Variants in NFAM1 observed in about 807,000 individuals in gnomAD.
NFAM1 encodes the protein NFAT activation molecule 1.
Under a neutral mutation model 29.0 loss-of-function variants are expected in NFAM1, and 17 were observed. The observed-to-expected ratio is 0.59, with a 90% CI of 0.40 to 0.88. The LOEUF is 0.88. Among genes scored for constraint, NFAM1 ranks in the 40% least tolerant of loss-of-function variants. The pLI, the probability that NFAM1 is intolerant of heterozygous loss-of-function variation, is 0.00. For synonymous variants in NFAM1, 175 were observed against 147.2 expected (o/e 1.19, Z -1.36); for missense variants, 324 against 344.6 (o/e 0.94, Z 0.47).
chr22:42,428,742 A>G (rs2146559206), intron 1 of NFAM1, among the ~76,000 whole-genome samples: 1 of 152,316 alleles, frequency 6.6e-6, no homozygotes, highest in South Asian at 2.1e-4. Flanking sequence ...AAATAAATAC[A>G]GCCCAGAGTT....
chr22:42,418,948 C>T (rs1213149861), intron 1 of NFAM1, among the ~76,000 whole-genome samples: 1 of 152,198 alleles, frequency 6.6e-6, no homozygotes. Flanking sequence ...GCTCTTCTCC[C>T]ACCCTTGTTG....
At chr22:42,406,219 G>A (rs1414351334) in intron 3 of NFAM1, among the ~76,000 whole-genome samples, 2 of 135,784 alleles carry the variant, frequency 1.5e-5, no homozygotes, top group Admixed American at 1.5e-4. Context: ...ACTTGCGCGA[G>A]TCCCTTTGGG....
intron 1 of NFAM1, among the ~76,000 whole-genome samples, chr22:42,418,266 GA>G (rs1316861556): frequency 2.0e-5 from 3 of 152,240 alleles, no homozygotes; most frequent in South Asian, 2.1e-4. Flanking sequence ...AACACAGGGG[GA>G]GCAACAATGC....
chr22:42,398,093 C>T, intron 3 of NFAM1, 137 bp from the exon 4 acceptor site: 1 of 571,978 alleles, frequency 1.7e-6, no homozygotes. Flanking sequence ...CACTCACCCT[C>T]TCCAGGGAAA....
intron 4 of NFAM1, among the ~76,000 whole-genome samples, chr22:42,394,427 C>T (rs1415244093): frequency 6.6e-6 from 1 of 152,158 alleles, no homozygotes; most frequent in Non-Finnish European, 1.5e-5. Flanking sequence ...CTCCTGGGCT[C>T]AAGCAATCCT....
At chr22:42,426,438 A>G (rs1930624863) in intron 1 of NFAM1, among the ~76,000 whole-genome samples, 1 of 152,162 alleles carries the variant, frequency 6.6e-6, no homozygotes. Context: ...TCCAAGCCCT[A>G]GAATGAAGCC....
rs752404877 is a variant in NFAM1, at chr22:42,385,123, C to G, written c.*38G>C. 6.4e-7 allele frequency: 1 copy of G among 1,560,342 alleles called. No homozygotes were observed. Among genetic ancestry groups the G allele is most frequent in the Non-Finnish European group, 8.8e-7 (1 of 1,131,566 alleles). ...TGGTGGCAGGGGCTGCCCCGGTCCT[C>G]TGACCCAGGGCAAGCTCTATGAGCG... On this transcript the variant is annotated 3_prime_UTR_variant, in exon 6 of 6. Transcript: ENST00000329021.
chr22:42,435,508 C>T (rs1420078480), upstream of NFAM1, among the ~76,000 whole-genome samples: 4 of 151,574 alleles, frequency 2.6e-5, no homozygotes, highest in African/African-American at 7.3e-5. Context: ...CCACCACGCC[C>T]GGCTAATTTT....
intron 1 of NFAM1, among the ~76,000 whole-genome samples, chr22:42,431,775 T>TCCCC (rs34684252): frequency 2.7e-5 from 4 of 146,696 alleles, no homozygotes; most frequent in African/African-American, 5.3e-5. Flanking sequence ...GGCCCTGGTA[T>TCCCC]CCCCCCCTCC....
At chr22:42,395,616 C>T (rs1185941858) in intron 4 of NFAM1, among the ~76,000 whole-genome samples, 1 of 151,874 alleles carries the variant, frequency 6.6e-6, no homozygotes, top group East Asian at 1.9e-4. Flanking sequence ...GGCGCGGTGG[C>T]TCACACCTGT....
At chr22:42,437,021 G>C (rs1484209724), upstream of NFAM1, 9 of 983,714 alleles carry the variant, frequency 9.1e-6, no homozygotes, top group Non-Finnish European at 9.7e-6. Flanking sequence ...CCCCTGCTAT[G>C]CTCAGTTTCT....
intron 1 of NFAM1, among the ~76,000 whole-genome samples, chr22:42,415,294 C>CTTTTTTTTTTTTTTTTTTT (rs398037250): frequency 1.1e-5 from 1 of 94,832 alleles, no homozygotes; most frequent in African/African-American, 4.5e-5. Context: ...TTCTTTCTTT[C>CTTTTTTTTTTTTTTTTTTT]TTTTTTTTTT....
Position 42,420,168 on chromosome 22 carries a change from G to A in NFAM1, c.122-8432C>T, listed in dbSNP as rs994021251. On this transcript the variant is annotated intron_variant, in intron 1 of 5. Coordinates refer to ENST00000329021, the MANE Select transcript of NFAM1 (RefSeq NM_145912.8). ...TAGGATTACAGGCATGCGCCACCTC[G>A]CCTGGCTAATTTTGTATTTTTAGTA... Among the ~76,000 whole-genome samples, 16 of 151,674 alleles carry A rather than the reference G, an allele frequency of 1.1e-4. No individual in the cohort carries two copies. In the South Asian group the frequency reaches 1.3e-3, roughly 12 times the overall value.
chr22:42,397,106 ATATGTTGTT>A (rs1929555224), intron 4 of NFAM1, among the ~76,000 whole-genome samples: 1 of 152,220 alleles, frequency 6.6e-6, no homozygotes, highest in Non-Finnish European at 1.5e-5. Context: ...TACTTGGAGC[ATATGTTGTT>A]CGTGGAGCCG....
upstream of NFAM1, among the ~76,000 whole-genome samples, chr22:42,433,241 G>A (rs1217669879): frequency 1.3e-5 from 2 of 152,236 alleles, no homozygotes; most frequent in East Asian, 1.9e-4. Flanking sequence ...GAAAGGGGCT[G>A]GGGTGTGGTG....
rs548654161 is a variant in NFAM1 at position 42,408,142 on chromosome 22, C to T, written c.564+1293G>A. Among the ~76,000 whole-genome samples, 698 of 152,180 alleles carry T rather than the reference C, an allele frequency of 4.6e-3. 8 individuals are homozygous for T. The highest frequency in any genetic ancestry group is 0.015 in the African/African-American group (636 of 41,492). Reference sequence around the variant, plus strand: ...CTCCTGACCTCAAGTGATCCACCCACCTCGGCCTCCCAAAGTGCTGGTATT... The same window carrying T: ...CTCCTGACCTCAAGTGATCCACCCATCTCGGCCTCCCAAAGTGCTGGTATT... On this transcript the variant is annotated intron_variant, in intron 3 of 5. Coordinates refer to ENST00000329021, the MANE Select transcript of NFAM1 (RefSeq NM_145912.8).
At chr22:42,437,155 T>TA (rs979969366), upstream of NFAM1, 1 of 248,542 alleles carries the variant, frequency 4.0e-6, no homozygotes, top group African/African-American at 2.3e-5. Context: ...TTTTTTTTTT[T>TA]TTTCTGAGAT....
Position 42,385,217 on chromosome 22 carries a change from T to C in NFAM1, c.757A>G (p.Arg253Gly). Residue 253 changes from arginine to glycine, a missense_variant, in exon 6 of 6, where the codon AGA becomes GGA. Physicochemically the swap from Arg to Gly is moderately radical, Grantham distance 125. Coordinates refer to ENST00000329021, the MANE Select transcript of NFAM1 (RefSeq NM_145912.8). ...CCATCATCTTCGAATCTATGCGGTC[T>C]CTCCTGGATAGAAAAGAAGAAAGGG... ...TAKQSPLSQE[R>G]PHRFEDDGEL... The C allele has an allele frequency of 6.2e-7, 1 of 1,605,270 alleles. No individual in the cohort carries two copies. Among genetic ancestry groups the C allele is most frequent in the South Asian group, 1.1e-5 (1 of 90,900 alleles).
chr22:42,422,235 G>A (rs573585605), intron 1 of NFAM1, among the ~76,000 whole-genome samples: 17 of 152,268 alleles, frequency 1.1e-4, no homozygotes, highest in South Asian at 4.1e-4. Flanking sequence ...AGTGCAGAAC[G>A]TCCAAGGTTT....
Sources: gnomAD v4.1 joint callset for allele counts (sites outside exome capture counted in the v4.1 genomes callset) on GRCh38, gnomAD v4.1.1 for gene constraint, MANE v1.5 for transcripts, NCBI Gene and HGNC (gene_info 2026-07-23, HGNC 2026-07-21) for gene names.